Variants in USP32 observed in about 807,000 individuals in gnomAD.
The protein encoded by USP32 is ubiquitin specific peptidase 32, also known as ubiquitin carboxyl-terminal hydrolase 32.
Under a neutral mutation model 204.8 loss-of-function variants are expected in USP32, and 59 were observed. The observed-to-expected ratio is 0.29, with a 90% CI of 0.23 to 0.36. The LOEUF is 0.36. Among genes scored for constraint, USP32 ranks in the 10% least tolerant of loss-of-function variants. USP32 has a pLI of 1.00. For missense variants in USP32, 1,160 were observed against 1,946.4 expected (o/e 0.60, Z 7.60); for synonymous variants, 517 against 678.4 (o/e 0.76, Z 3.70).
At chr17:60,187,706 CA>C (rs1298988237) in intron 29 of USP32, among the ~76,000 whole-genome samples, 3 of 152,210 alleles carry the variant, frequency 2.0e-5, no homozygotes, top group Non-Finnish European at 2.9e-5. Flanking sequence ...TGATAAAAAA[CA>C]TATTTGTGGA....
intron 1 of USP32, among the ~76,000 whole-genome samples, chr17:60,404,055 GGAAAA>G (rs1452527162): frequency 6.7e-6 from 1 of 149,854 alleles, no homozygotes; most frequent in East Asian, 1.9e-4. Context: ...AAAAAAAAAA[GGAAAA>G]GAAAAAAAGA....
intron 12 of USP32, chr17:60,231,509 C>T: frequency 2.0e-6 from 1 of 502,086 alleles, no homozygotes; most frequent in Non-Finnish European, 4.0e-6. Flanking sequence ...ATTTCCCACT[C>T]AACTACACAT....
At chr17:60,369,300 T>C (rs1268999044) in intron 1 of USP32, among the ~76,000 whole-genome samples, 1 of 151,248 alleles carries the variant, frequency 6.6e-6, no homozygotes, top group Non-Finnish European at 1.5e-5. Context: ...GGCCAAAAGA[T>C]ATTTTTTAAG....
intron 2 of USP32, among the ~76,000 whole-genome samples, chr17:60,337,537 C>T (rs2088550586): frequency 6.6e-6 from 1 of 152,072 alleles, no homozygotes; most frequent in South Asian, 2.1e-4. Context: ...ATGCACAGCA[C>T]TCTGGGGCAT....
At chr17:60,208,368 G>A (rs1243286386) in intron 23 of USP32, among the ~76,000 whole-genome samples, 158 bp from the exon 24 acceptor site, 1 of 151,966 alleles carries the variant, frequency 6.6e-6, no homozygotes, top group Non-Finnish European at 1.5e-5. Flanking sequence ...GGTACTTAGG[G>A]ATAATATTAA....
intron 1 of USP32, among the ~76,000 whole-genome samples, chr17:60,411,758 C>T (rs911115243): frequency 3.3e-5 from 5 of 151,920 alleles, no homozygotes; most frequent in Non-Finnish European, 2.9e-5. Flanking sequence ...ATTTGTGTCT[C>T]GCTTATTTCA....
chr17:60,271,119 CA>C (rs2086714553), intron 6 of USP32, among the ~76,000 whole-genome samples: 2 of 152,186 alleles, frequency 1.3e-5, no homozygotes, highest in Admixed American at 6.5e-5. Flanking sequence ...ACATTTTATA[CA>C]TGAGCATGCT....
At chr17:60,228,836 GTT>G (rs72054770) in intron 12 of USP32, among the ~76,000 whole-genome samples, 1 of 141,646 alleles carries the variant, frequency 7.1e-6, no homozygotes, top group African/African-American at 2.6e-5. Context: ...TTTTGTTTTT[GTT>G]TTTTTTTTTG....
intron 26 of USP32, among the ~76,000 whole-genome samples, chr17:60,202,282 C>T (rs189540043): frequency 1.1e-4 from 16 of 152,222 alleles, no homozygotes; most frequent in Admixed American, 4.6e-4. Flanking sequence ...TTTTCTTGTA[C>T]CAATATGACA....
chr17:60,357,627 C>T (rs1377932939), intron 1 of USP32, among the ~76,000 whole-genome samples: 2 of 152,072 alleles, frequency 1.3e-5, no homozygotes, highest in Non-Finnish European at 2.9e-5. Context: ...ACAAAAATGT[C>T]CTAAGGGTAC....
In USP32 at chr17:60,247,851, T is replaced by C. The variant is rs567513846; in HGVS notation, c.1136+4530A>G. Among the ~76,000 whole-genome samples the C allele has an allele frequency of 9.2e-5, 14 of 152,100 alleles. No individual in the cohort carries two copies. In the South Asian group the frequency reaches 1.7e-3, roughly 18 times the overall value. On this transcript the variant is annotated intron_variant, in intron 11 of 33. Coordinates refer to ENST00000300896, the MANE Select transcript of USP32 (RefSeq NM_032582.4). ...GGCATGTGCTATCACACCTGGATAATTGTTTTGTATTTTTAGTAGAGACGG... is the reference window on the plus strand; with the variant it reads ...GGCATGTGCTATCACACCTGGATAACTGTTTTGTATTTTTAGTAGAGACGG...
chr17:60,207,317 A>T (rs1257687626), intron 24 of USP32, among the ~76,000 whole-genome samples, 185 bp from the exon 25 acceptor site: 1 of 152,162 alleles, frequency 6.6e-6, no homozygotes, highest in African/African-American at 2.4e-5. Context: ...AACTAACCTC[A>T]ATTTTCGAAC....
At chr17:60,371,483 C>T (rs2089440732) in intron 1 of USP32, among the ~76,000 whole-genome samples, 1 of 151,164 alleles carries the variant, frequency 6.6e-6, no homozygotes, top group African/African-American at 2.4e-5. Context: ...GCAGGAGAAT[C>T]GCTTGAACTT....
At position 60,183,238 on chromosome 17, in the gene USP32, C is replaced by T. The variant is rs752118860; in HGVS notation, c.4050G>A (p.Ser1350=). The T allele has an allele frequency of 1.8e-5, 29 of 1,613,864 alleles. No homozygotes were observed. The Middle Eastern group carries it at 4.9e-4, about 27-fold the overall frequency. ...REVKKVDAQS[S]AGEEDVLLSK... Reference sequence around the variant, plus strand: ...TCAGGAGCACGTCCTCTTCCCCAGCCGAACTCTGCGCATCCACTTTCTTCA... The same window carrying T: ...TCAGGAGCACGTCCTCTTCCCCAGCTGAACTCTGCGCATCCACTTTCTTCA... Residue 1350 remains serine, a synonymous_variant, in exon 31 of 34, where the codon TCG becomes TCA. Transcript: ENST00000300896.
chr17:60,224,575 A>G (rs2085335123), intron 13 of USP32, among the ~76,000 whole-genome samples: 1 of 152,158 alleles, frequency 6.6e-6, no homozygotes, highest in Admixed American at 6.5e-5. Context: ...GCTTGAAGCC[A>G]GAAGACTGCA....
At chr17:60,287,022 C>T (rs1299228290) in intron 5 of USP32, among the ~76,000 whole-genome samples, 1 of 152,096 alleles carries the variant, frequency 6.6e-6, no homozygotes, top group Non-Finnish European at 1.5e-5. Flanking sequence ...TGGTGGCAGG[C>T]ACCTATAATC....
At chr17:60,293,175 A>G (rs2087329389) in intron 4 of USP32, among the ~76,000 whole-genome samples, 2 of 152,142 alleles carry the variant, frequency 1.3e-5, no homozygotes, top group Non-Finnish European at 2.9e-5. Flanking sequence ...TTTCCCCTAT[A>G]GCACTAATTA....
chr17:60,205,186 T>C (rs1020725464), intron 26 of USP32, among the ~76,000 whole-genome samples: 13 of 152,240 alleles, frequency 8.5e-5, no homozygotes, highest in Non-Finnish European at 1.5e-5. Flanking sequence ...TTTCATACAT[T>C]AGCCACCATG....
At chr17:60,394,280 AG>A (rs1440316975), upstream of USP32, among the ~76,000 whole-genome samples, 1 of 152,202 alleles carries the variant, frequency 6.6e-6, no homozygotes, top group Non-Finnish European at 1.5e-5. Flanking sequence ...ATTTTATGAA[AG>A]GGCCCAGCTG....
Sources: allele counts gnomAD v4.1 joint callset (sites outside exome capture counted in the v4.1 genomes callset), GRCh38; gene constraint gnomAD v4.1.1; transcripts MANE v1.5; gene names NCBI Gene and HGNC (gene_info 2026-07-23, HGNC 2026-07-21).